Variants in BICDL1 observed in about 807,000 individuals in gnomAD.
BICDL1 encodes the protein BICD family like cargo adaptor 1, also known as BICD family-like cargo adapter 1.
In BICDL1, 20 loss-of-function variants were observed where a neutral mutation model predicts 76.8. That is an observed-to-expected ratio of 0.26 (90% CI 0.18 to 0.38). The LOEUF (loss-of-function observed/expected upper bound fraction) is 0.38. Ranked by LOEUF, BICDL1 falls within the 10% of genes least tolerant of loss-of-function variation. The pLI is 1.00. For synonymous variants in BICDL1, 383 were observed against 337.1 expected (o/e 1.14, Z -1.49); for missense variants, 700 against 798.6 (o/e 0.88, Z 1.49).
Position 120,093,453 on chromosome 12 carries a change from C to T in BICDL1, c.*292C>T, listed in dbSNP as rs1336113268. ...GGTTAGGCCACCTCCCAGAGGGGCC[C>T]CTTGGTGTTGGGCTTTGCAGCTCAC... On this transcript the variant is annotated 3_prime_UTR_variant, in exon 10 of 10. Coordinates refer to ENST00000548673, the MANE Select transcript of BICDL1 (RefSeq NM_001367886.1). 4.8e-6 allele frequency: 2 copies of T among 414,148 alleles called. No individual in the cohort carries two copies. Among genetic ancestry groups the T allele is most frequent in the Non-Finnish European group, 8.9e-6 (2 of 224,818 alleles). The allele number at this position is 414,148 out of a possible 1,614,324, so 25.7% of individuals were successfully genotyped here. A position where few individuals can be genotyped will look rare whatever the true frequency, so the allele number is the denominator to read the frequency against.
rs1951476705 is a variant in BICDL1, at chr12:119,989,895, C to G, written c.27C>G (p.Val9=). The change falls in exon 1 of 10, where the codon GTC becomes GTG. Residue 9 remains valine, a synonymous_variant. Coordinates refer to ENST00000548673, the MANE Select transcript of BICDL1 (RefSeq NM_001367886.1). The part of the protein sequence containing the change: MSAFCLGL[V]GRASAPAEPD... ...TGTCCGCTTTCTGCCTGGGCTTGGT[C>G]GGCCGCGCTTCAGCACCCGCCGAGC... is the stretch of plus-strand genomic sequence containing the variant. The G allele has an allele frequency of 1.4e-6, 2 of 1,440,936 alleles. No individual in the cohort carries two copies. The highest frequency in any genetic ancestry group is 2.8e-5 in the South Asian group (2 of 70,782). The allele number at this position is 1,440,936 out of a possible 1,614,324, so 89.3% of individuals were successfully genotyped here.
chr12:120,090,233 T>G, intron 9 of BICDL1, 162 bp downstream of exon 9: 10 of 773,808 alleles, frequency 1.3e-5, no homozygotes, highest in Non-Finnish European at 1.6e-5. Flanking sequence ...TGTCCCCTAG[T>G]CCTTGGGGAA....
intron 2 of BICDL1, among the ~76,000 whole-genome samples, chr12:120,027,721 C>T (rs186664551): frequency 6.6e-6 from 1 of 152,278 alleles, no homozygotes; most frequent in East Asian, 1.9e-4. Flanking sequence ...TCTTGTAGAA[C>T]AATTTATGTC....
rs192723556 is a variant in BICDL1, at chr12:120,042,196, C to T, written c.646-19514C>T. Among the ~76,000 whole-genome samples, 13 of 152,192 alleles carry T rather than the reference C, an allele frequency of 8.5e-5. No individual in the cohort carries two copies. In the East Asian group the frequency reaches 1.9e-3, roughly 23 times the overall value. On this transcript the variant is annotated intron_variant, in intron 2 of 9. Transcript: ENST00000548673. ...ATCTCATATAGCACCTATTATATGC[C>T]AGGCAGTGTTCCAATGGCTTTATAA... is the stretch of plus-strand genomic sequence containing the variant.
intron 4 of BICDL1, 81 bp downstream of exon 4, chr12:120,064,960 C>CA: frequency 6.8e-7 from 1 of 1,474,984 alleles, no homozygotes; most frequent in Non-Finnish European, 9.1e-7. Flanking sequence ...GCTGGGAGGC[C>CA]AGCATCACTG....
chr12:120,088,544 A>G (rs1302145662), intron 8 of BICDL1, among the ~76,000 whole-genome samples: 3 of 148,128 alleles, frequency 2.0e-5, no homozygotes, highest in East Asian at 4.1e-4. Flanking sequence ...TTTAGCAGAG[A>G]TGGGTTTTCG....
At chr12:120,025,540 C>G (rs138763390) in intron 2 of BICDL1, among the ~76,000 whole-genome samples, 142 of 152,260 alleles carry the variant, frequency 9.3e-4, no homozygotes, top group Non-Finnish European at 1.5e-3. Flanking sequence ...TCCTGCGTGG[C>G]TTCCACATGA....
chr12:120,048,897 T>TA (rs1358337020), intron 2 of BICDL1, among the ~76,000 whole-genome samples: 1 of 152,214 alleles, frequency 6.6e-6, no homozygotes, highest in Non-Finnish European at 1.5e-5. Flanking sequence ...ATTCTGTAGT[T>TA]ACCTACTGTA....
intron 2 of BICDL1, among the ~76,000 whole-genome samples, chr12:120,022,726 T>C (rs1340880936): frequency 1.3e-5 from 2 of 150,330 alleles, no homozygotes; most frequent in Admixed American, 6.6e-5. Flanking sequence ...CCCCGAGAAA[T>C]GGGGAAACAA....
At chr12:120,064,078 G>A (rs1362088836) in intron 3 of BICDL1, among the ~76,000 whole-genome samples, 1 of 152,170 alleles carries the variant, frequency 6.6e-6, no homozygotes, top group East Asian at 1.9e-4. Context: ...CGAATGACTC[G>A]CTCAGGTAAA....
chr12:120,081,916 C>T (rs564941796), intron 8 of BICDL1, among the ~76,000 whole-genome samples: 2 of 148,212 alleles, frequency 1.3e-5, no homozygotes, highest in Non-Finnish European at 3.0e-5. Flanking sequence ...TACATCTCTA[C>T]CAGAAAGAAT....
At chr12:120,027,648 ATTTC>A (rs1169538952) in intron 2 of BICDL1, among the ~76,000 whole-genome samples, 1 of 152,104 alleles carries the variant, frequency 6.6e-6, no homozygotes, top group Non-Finnish European at 1.5e-5. Flanking sequence ...TTTTCCTCAG[ATTTC>A]TTTGAGATCT....
chr12:120,024,691 C>G (rs905519023), intron 2 of BICDL1, among the ~76,000 whole-genome samples: 1 of 152,024 alleles, frequency 6.6e-6, no homozygotes, highest in Non-Finnish European at 1.5e-5. Flanking sequence ...CTCTTTCTTT[C>G]TTTCTTTCTT....
intron 3 of BICDL1, 66 bp from the exon 4 acceptor site, chr12:120,064,667 C>T (rs1338608536): frequency 2.6e-6 from 4 of 1,512,474 alleles, no homozygotes; most frequent in Admixed American, 2.1e-5. Flanking sequence ...TGGGGCTAGT[C>T]CCTAGTTCCT....
intron 2 of BICDL1, among the ~76,000 whole-genome samples, chr12:120,012,657 T>C (rs776160065): frequency 1.3e-5 from 2 of 152,218 alleles, no homozygotes; most frequent in Non-Finnish European, 2.9e-5. Context: ...AAGTAATAGA[T>C]ATCAATTCTA....
At chr12:120,082,256 A>G (rs558161310) in intron 8 of BICDL1, among the ~76,000 whole-genome samples, 3 of 150,560 alleles carry the variant, frequency 2.0e-5, no homozygotes, top group East Asian at 1.9e-4. Flanking sequence ...CCAATAAACT[A>G]GGTCTTTTTT....
At chr12:120,069,430 A>G (rs951024306) in intron 4 of BICDL1, among the ~76,000 whole-genome samples, 14 of 152,222 alleles carry the variant, frequency 9.2e-5, no homozygotes, top group East Asian at 3.8e-4. Flanking sequence ...TCATCTGTCA[A>G]TATCTCTCTG....
chr12:120,080,618 A>C (rs1873893336), intron 7 of BICDL1: 4 of 324,310 alleles, frequency 1.2e-5, no homozygotes, highest in Non-Finnish European at 2.4e-5. Flanking sequence ...TGCTGAGTGC[A>C]AAGGGAAGAT....
chr12:119,998,818 C>A, intron 2 of BICDL1, 82 bp downstream of exon 2: 3 of 1,377,968 alleles, frequency 2.2e-6, no homozygotes, highest in Middle Eastern at 2.0e-4. Flanking sequence ...CCTGTGACGC[C>A]AGCATTTCGG....
Sources: gnomAD v4.1 joint callset for allele counts (sites outside exome capture counted in the v4.1 genomes callset) on GRCh38, gnomAD v4.1.1 for gene constraint, MANE v1.5 for transcripts, NCBI Gene and HGNC (gene_info 2026-07-23, HGNC 2026-07-21) for gene names.